FHIT: variants seen among roughly 807,000 people sequenced by gnomAD.
FHIT encodes the protein fragile histidine triad diadenosine triphosphatase.
In FHIT, 19 loss-of-function variants were observed where a neutral mutation model predicts 17.9. That is an observed-to-expected ratio of 1.06 (90% CI 0.74 to 1.56). FHIT has a LOEUF of 1.56. Among genes scored for constraint, FHIT ranks in the 40% most tolerant of loss-of-function variants. The pLI is 0.00. For synonymous variants in FHIT, 81 were observed against 69.7 expected (o/e 1.16, Z -0.81); for missense variants, 248 against 189.2 (o/e 1.31, Z -1.82).
chr3:60,435,182 T>G (rs979576409), intron 5 of FHIT, among the ~76,000 whole-genome samples: 10 of 152,162 alleles, frequency 6.6e-5, no homozygotes, highest in Non-Finnish European at 1.5e-4. Context: ...ATACTAGCCT[T>G]CAGCCAAAGC....
intron 8 of FHIT, among the ~76,000 whole-genome samples, chr3:59,915,720 G>A (rs1385065699): frequency 6.6e-6 from 1 of 152,180 alleles, no homozygotes; most frequent in Non-Finnish European, 1.5e-5. Flanking sequence ...CAGGAGGATT[G>A]CTTGAGGCTA....
intron 3 of FHIT, among the ~76,000 whole-genome samples, chr3:60,940,919 A>G (rs1376200718): frequency 6.6e-6 from 1 of 152,198 alleles, no homozygotes; most frequent in Admixed American, 6.5e-5. Flanking sequence ...ACAGTCTCTA[A>G]ACCAGCACTG....
intron 4 of FHIT, among the ~76,000 whole-genome samples, chr3:60,569,772 A>C (rs1576898942): frequency 5.7e-5 from 1 of 17,420 alleles, no homozygotes; most frequent in Non-Finnish European, 1.4e-4. Flanking sequence ...TTTTTTTTAG[A>C]CAGAGTTTTG....
At chr3:60,272,009 A>G (rs747070246) in intron 5 of FHIT, among the ~76,000 whole-genome samples, 2 of 152,226 alleles carry the variant, frequency 1.3e-5, no homozygotes, top group Non-Finnish European at 2.9e-5. Flanking sequence ...CCAAGATCAT[A>G]GACTACTAAC....
At chr3:60,131,851 T>C (rs1699610436) in intron 5 of FHIT, among the ~76,000 whole-genome samples, 2 of 152,184 alleles carry the variant, frequency 1.3e-5, no homozygotes, top group South Asian at 2.1e-4. Context: ...ATCACATAGG[T>C]CCCTTCCTCA....
intron 4 of FHIT, among the ~76,000 whole-genome samples, chr3:60,795,169 A>C (rs1447769396): frequency 6.6e-6 from 1 of 152,164 alleles, no homozygotes; most frequent in African/African-American, 2.4e-5. Flanking sequence ...GAACCTCCAC[A>C]TCCTATCTGA....
At chr3:60,490,200 GTT>G (rs1474323634) in intron 5 of FHIT, among the ~76,000 whole-genome samples, 1 of 151,918 alleles carries the variant, frequency 6.6e-6, no homozygotes, top group East Asian at 1.9e-4. Context: ...ATCTTACACT[GTT>G]TGTGTTTATA....
At chr3:60,912,561 T>C (rs539467703) in intron 3 of FHIT, among the ~76,000 whole-genome samples, 19 of 152,124 alleles carry the variant, frequency 1.2e-4, no homozygotes, top group Non-Finnish European at 2.4e-4. Flanking sequence ...TGAGAGAAGC[T>C]CTCTGTCTTC....
intron 5 of FHIT, among the ~76,000 whole-genome samples, chr3:60,120,182 T>C (rs995724721): frequency 6.6e-6 from 1 of 152,342 alleles, no homozygotes; most frequent in African/African-American, 2.4e-5. Context: ...AATGAGCATG[T>C]AGTCTTGCCT....
At chr3:60,806,021 A>G (rs1181287911) in intron 4 of FHIT, among the ~76,000 whole-genome samples, 2 of 152,258 alleles carry the variant, frequency 1.3e-5, no homozygotes, top group African/African-American at 4.8e-5. Flanking sequence ...ACTTAAGTGC[A>G]TAGGAGGAAC....
At chr3:61,194,246 G>C (rs1669388479) in intron 2 of FHIT, among the ~76,000 whole-genome samples, 1 of 152,118 alleles carries the variant, frequency 6.6e-6, no homozygotes, top group South Asian at 2.1e-4. Flanking sequence ...ACCCACCTTA[G>C]GGAAGAGGAA....
chr3:60,242,466 G>A (rs2107575549), intron 5 of FHIT, among the ~76,000 whole-genome samples: 1 of 152,086 alleles, frequency 6.6e-6, no homozygotes. Flanking sequence ...TCGTGTGTAT[G>A]TATGTTTGCT....
intron 3 of FHIT, among the ~76,000 whole-genome samples, chr3:60,859,339 A>T (rs527298806): frequency 6.6e-6 from 1 of 152,102 alleles, no homozygotes; most frequent in African/African-American, 2.4e-5. Context: ...TAAATGTTAG[A>T]TGTTAATGGT....
At chr3:60,701,013 T>C (rs578029227) in intron 4 of FHIT, among the ~76,000 whole-genome samples, 4 of 152,298 alleles carry the variant, frequency 2.6e-5, no homozygotes, top group Non-Finnish European at 4.4e-5. Context: ...TTTTTAGATT[T>C]TTATTGTAAA....
At chr3:60,273,793 G>A (rs1706984836) in intron 5 of FHIT, among the ~76,000 whole-genome samples, 1 of 152,132 alleles carries the variant, frequency 6.6e-6, no homozygotes, top group African/African-American at 2.4e-5. Flanking sequence ...CTATTGGCAA[G>A]TATGTAGATG....
At chr3:60,658,918 G>C (rs1292214080) in intron 4 of FHIT, among the ~76,000 whole-genome samples, 1 of 149,510 alleles carries the variant, frequency 6.7e-6, no homozygotes, top group Non-Finnish European at 1.5e-5. Context: ...ACTCATTTTA[G>C]CATTTCTTAC....
At chr3:61,101,545 C>T (rs1051483510) in intron 2 of FHIT, among the ~76,000 whole-genome samples, 7 of 152,216 alleles carry the variant, frequency 4.6e-5, no homozygotes, top group African/African-American at 1.7e-4. Context: ...AATGCAGGCT[C>T]TTTTTTGGTT....
intron 5 of FHIT, among the ~76,000 whole-genome samples, chr3:60,301,689 C>T (rs557931894): frequency 2.4e-4 from 37 of 152,224 alleles, no homozygotes; most frequent in African/African-American, 7.2e-4. Context: ...TACTCTTTAA[C>T]GGGTTTTAGC....
chr3:60,540,436 G>A (rs571165294), intron 4 of FHIT, among the ~76,000 whole-genome samples: 1 of 152,318 alleles, frequency 6.6e-6, no homozygotes, highest in East Asian at 1.9e-4. Context: ...GTGTCTGAAA[G>A]TCAGGTGACA....
Sources: allele counts gnomAD v4.1 joint callset (sites outside exome capture counted in the v4.1 genomes callset), GRCh38; gene constraint gnomAD v4.1.1; transcripts MANE v1.5; gene names NCBI Gene and HGNC (gene_info 2026-07-23, HGNC 2026-07-21).